Variants in ELOVL7 observed in about 807,000 individuals in gnomAD.
The protein encoded by ELOVL7 is very long chain fatty acid elongase 7.
ELOVL7 carries 27 observed loss-of-function variants against 35.7 expected under a neutral mutation model. The observed-to-expected ratio is 0.76, with a 90% CI of 0.56 to 1.04. The LOEUF (loss-of-function observed/expected upper bound fraction) is 1.04. ELOVL7 is among the 50% of genes least tolerant of loss of function. The pLI, the probability that ELOVL7 is intolerant of heterozygous loss-of-function variation, is 0.00. For synonymous variants in ELOVL7, 113 were observed against 114.6 expected, an observed-to-expected ratio of 0.99 and a Z score of 0.09; for missense variants, 327 against 340.8, an observed-to-expected ratio of 0.96 and a Z score of 0.32.
chr5:60,824,582 A>T (rs371268561), intron 1 of ELOVL7, among the ~76,000 whole-genome samples: 45 of 152,376 alleles, frequency 3.0e-4, no homozygotes, highest in African/African-American at 9.6e-4. Flanking sequence ...CAGTCCACCC[A>T]GATCTTTAAA....
intron 1 of ELOVL7, among the ~76,000 whole-genome samples, chr5:60,804,202 G>A (rs1027298544): frequency 2.6e-5 from 4 of 152,180 alleles, no homozygotes; most frequent in Non-Finnish European, 4.4e-5. Context: ...ACCTTAGCAC[G>A]AGTGCTAAAC....
intron 3 of ELOVL7, among the ~76,000 whole-genome samples, chr5:60,774,379 C>T (rs1742781835): frequency 6.6e-6 from 1 of 152,190 alleles, no homozygotes; most frequent in Admixed American, 6.5e-5. Flanking sequence ...ACCACATAAA[C>T]AGAATTAAAA....
At chr5:60,786,765 A>G (rs975112367) in intron 3 of ELOVL7, among the ~76,000 whole-genome samples, 17 of 151,856 alleles carry the variant, frequency 1.1e-4, no homozygotes, top group Admixed American at 9.2e-4. Context: ...ACACAGTGAA[A>G]CCCCGTCTCT....
At position 60,787,438 on chromosome 5, in the gene ELOVL7, T is replaced by A; in HGVS notation, c.-34-7A>T. 1 of 1,463,454 alleles carries A rather than the reference T, an allele frequency of 6.8e-7. No homozygotes were observed. The highest frequency in any genetic ancestry group is 9.3e-7 in the Non-Finnish European group (1 of 1,075,148). The allele number at this position is 1,463,454 out of a possible 1,614,324, so 90.7% of individuals were successfully genotyped here. A position where few individuals can be genotyped will look rare whatever the true frequency, so the allele number is the denominator to read the frequency against. The stretch of plus-strand genomic sequence containing the variant: ...CTGGCTCTTTTAATGGGTTCTTCAG[T>A]AAAATAAAACAGAAATGAGTTTATA... On this transcript the variant is annotated splice_polypyrimidine_tract_variant and splice_region_variant and intron_variant, in intron 2 of 8. Coordinates refer to ENST00000508821, the MANE Select transcript of ELOVL7 (RefSeq NM_024930.3).
intron 1 of ELOVL7, among the ~76,000 whole-genome samples, chr5:60,821,371 C>T (rs145064212): frequency 1.2e-3 from 179 of 152,330 alleles, no homozygotes; most frequent in Non-Finnish European, 1.6e-3. Flanking sequence ...CTCAACCCCA[C>T]GTGACTCTCT....
At chr5:60,821,248 A>G (rs1182174940) in intron 1 of ELOVL7, among the ~76,000 whole-genome samples, 1 of 152,040 alleles carries the variant, frequency 6.6e-6, no homozygotes, top group African/African-American at 2.4e-5. Flanking sequence ...GACGCTTAGC[A>G]CCCTTCTAAT....
chr5:60,784,137 T>C, intron 3 of ELOVL7: 1 of 1,519,526 alleles, frequency 6.6e-7, no homozygotes. Context: ...TCTAAGAGAG[T>C]ATTCTCTTCT....
intron 5 of ELOVL7, among the ~76,000 whole-genome samples, chr5:60,767,470 A>G (rs1033112317): frequency 5.3e-5 from 8 of 152,180 alleles, no homozygotes; most frequent in Non-Finnish European, 1.2e-4. Context: ...GCTGCTGTAA[A>G]CATGAGTATA....
intron 2 of ELOVL7, among the ~76,000 whole-genome samples, chr5:60,796,615 T>G (rs1744283133): frequency 6.6e-6 from 1 of 152,256 alleles, no homozygotes. Flanking sequence ...AATAAAAGTT[T>G]GCTTCAGCGT....
rs1030483387 is a variant in ELOVL7 at position 60,754,920 on chromosome 5, G to A, written c.637-87C>T. ...ACCTATGTTTATGCACTCCCAAAGT[G>A]CAGGGAGTGCACTATTGGGCAAAGA... On this transcript the variant is annotated intron_variant, in intron 8 of 8. Coordinates refer to ENST00000508821, the MANE Select transcript of ELOVL7 (RefSeq NM_024930.3). The A allele has an allele frequency of 5.2e-5, 55 of 1,067,148 alleles. No homozygotes were observed. The African/African-American group carries it at 8.3e-4, about 16-fold the overall frequency. 66.1% of individuals were successfully genotyped at this position (1,067,148 alleles called of 1,614,324 possible).
chr5:60,770,983 G>C (rs1323292656), intron 4 of ELOVL7, among the ~76,000 whole-genome samples: 1 of 152,162 alleles, frequency 6.6e-6, no homozygotes, highest in Non-Finnish European at 1.5e-5. Context: ...TACAGGTGTA[G>C]GCCACCACAC....
At chr5:60,784,153 A>T in intron 3 of ELOVL7, 5 of 1,521,194 alleles carry the variant, frequency 3.3e-6, no homozygotes, top group Non-Finnish European at 4.4e-6. Context: ...CTTCTTAAGT[A>T]GCAGGTACTG....
At chr5:60,772,804 T>C (rs569877869) in intron 3 of ELOVL7, among the ~76,000 whole-genome samples, 3 of 152,304 alleles carry the variant, frequency 2.0e-5, no homozygotes, top group South Asian at 4.1e-4. Context: ...CATGTGTCTA[T>C]AGTCATTATT....
intron 2 of ELOVL7, among the ~76,000 whole-genome samples, chr5:60,795,519 C>T (rs1264531913): frequency 1.3e-5 from 2 of 152,176 alleles, no homozygotes; most frequent in African/African-American, 4.8e-5. Context: ...GGTACCCTCC[C>T]ATTGTATGGG....
At chr5:60,772,153 C>A (rs536126614) in intron 3 of ELOVL7, 60 bp from the exon 4 acceptor site, 1 of 1,142,440 alleles carries the variant, frequency 8.8e-7, no homozygotes, top group Non-Finnish European at 1.2e-6. Flanking sequence ...CTAACAGCAA[C>A]CAACATTTCT....
intron 1 of ELOVL7, among the ~76,000 whole-genome samples, chr5:60,830,895 C>T (rs1746446061): frequency 6.6e-6 from 1 of 152,052 alleles, no homozygotes; most frequent in African/African-American, 2.4e-5. Context: ...TATGGGAATA[C>T]AGCAGGAGTA....
At position 60,842,517 on chromosome 5, in the gene ELOVL7, CAGGGGGAG is replaced by C. The variant is rs1411448601; in HGVS notation, c.-86+1635_-86+1642del. Among the ~76,000 whole-genome samples the C allele has an allele frequency of 2.8e-5, 4 of 144,922 alleles. No individual in the cohort carries two copies. The South Asian group carries it at 1.0e-3, about 37-fold the overall frequency. On this transcript the variant is annotated intron_variant, in intron 1 of 8. Transcript: ENST00000508821. ...TTCTTAAAAAAAAAAAAAGCGGGGG[CAGGGGGAG>C]GGTGTGGGGATCCTAAACTAGTATA...
At chr5:60,802,109 TATATATATAC>T (rs1247331416) in intron 1 of ELOVL7, among the ~76,000 whole-genome samples, 181 of 7,404 alleles carry the variant, frequency 0.024, 16 homozygotes, top group Non-Finnish European at 0.038. Context: ...TATATATATA[TATATATATAC>T]ACACACACAC....
intron 1 of ELOVL7, among the ~76,000 whole-genome samples, chr5:60,800,030 CAAAAAAAAAA>C (rs58041305): frequency 4.6e-5 from 4 of 86,194 alleles, no homozygotes; most frequent in African/African-American, 8.8e-5. Context: ...AACTCCATCT[CAAAAAAAAAA>C]AAAAAAAAAA....
Sources: gnomAD v4.1 joint callset for allele counts (sites outside exome capture counted in the v4.1 genomes callset) on GRCh38, gnomAD v4.1.1 for gene constraint, MANE v1.5 for transcripts, NCBI Gene and HGNC (gene_info 2026-07-23, HGNC 2026-07-21) for gene names.